The following MFF variants were observed in gnomAD, a reference collection of about 807,000 sequenced individuals.
MFF encodes the protein mitochondrial fission factor.
MFF carries 12 observed loss-of-function variants against 36.9 expected under a neutral mutation model. That is an observed-to-expected ratio of 0.33 (90% CI 0.21 to 0.53). The LOEUF (loss-of-function observed/expected upper bound fraction) is 0.53. MFF is among the 20% of genes least tolerant of loss of function. The pLI, the probability that MFF is intolerant of heterozygous loss-of-function variation, is 0.95. For synonymous variants in MFF, 99 were observed against 126.2 expected (o/e 0.78, Z 1.44); for missense variants, 348 against 366.6 (o/e 0.95, Z 0.42).
intron 4 of MFF, among the ~76,000 whole-genome samples, chr2:227,332,874 G>A (rs73993959): frequency 1.3e-5 from 2 of 152,188 alleles, no homozygotes; most frequent in African/African-American, 4.8e-5. Context: ...TAAATAATAA[G>A]AAAATGTTGG....
At chr2:227,347,475 A>G (rs1574972948) in intron 6 of MFF, 91 bp downstream of exon 6, 5 of 1,042,862 alleles carry the variant, frequency 4.8e-6, no homozygotes, top group African/African-American at 3.2e-5. Context: ...TTCTGTTTTT[A>G]CCTTCTAGCC....
chr2:227,333,116 C>G (rs1413586165), intron 4 of MFF, among the ~76,000 whole-genome samples: 32 of 152,240 alleles, frequency 2.1e-4, no homozygotes. Flanking sequence ...CATTGACTTA[C>G]AGCTAACCTT....
intron 7 of MFF, chr2:227,355,183 G>A (rs2106470862): frequency 6.6e-6 from 1 of 152,556 alleles, no homozygotes; most frequent in East Asian, 1.9e-4. Context: ...AAGACAAGAA[G>A]TAAAGAATAA....
intron 1 of MFF, among the ~76,000 whole-genome samples, chr2:227,328,295 C>CAAAAAAAAAA (rs869086091): frequency 1.4e-5 from 1 of 72,646 alleles, no homozygotes; most frequent in Admixed American, 1.5e-4. Context: ...GCCCGGGTGA[C>CAAAAAAAAAA]AAAAAAAAAA....
Position 227,330,778 on chromosome 2 carries a change from A to G in MFF, c.113A>G (p.Gln38Arg), listed in dbSNP as rs755463159. 2.5e-6 allele frequency: 4 copies of G among 1,614,080 alleles called. No individual in the cohort carries two copies. The highest frequency in any genetic ancestry group is 1.6e-4 in the Middle Eastern group (1 of 6,084). Residue 38 changes from glutamine to arginine, a missense_variant, in exon 3 of 9, where the codon CAA becomes CGA. Coordinates refer to ENST00000304593, the MANE Select transcript of MFF (RefSeq NM_001277062.2). The part of the protein sequence containing the change: ...KVAPPNADLE[Q>R]GFQEGVPNAS... ...GCACCGCCAAACGCTGACCTGGAAC[A>G]AGGATTCCAAGAAGGAGTTCCAAAT...
intron 7 of MFF, 83 bp downstream of exon 7, chr2:227,352,656 T>C (rs1305718047): frequency 1.8e-6 from 2 of 1,095,632 alleles, no homozygotes; most frequent in African/African-American, 3.4e-5. Flanking sequence ...GTCGTAGCCA[T>C]GCCTGTGTTT....
intron 5 of MFF, chr2:227,346,389 G>A (rs1231994856): frequency 1.2e-5 from 2 of 165,956 alleles, no homozygotes; most frequent in Non-Finnish European, 2.9e-5. Context: ...TACTGACACA[G>A]ATCTTAAGAG....
At chr2:227,351,840 T>C (rs1559985846) in intron 6 of MFF, 1 of 152,324 alleles carries the variant, frequency 6.6e-6, no homozygotes, top group Non-Finnish European at 1.5e-5. Context: ...ATGTCACTCC[T>C]GGCTGTCTCA....
At chr2:227,342,503 G>A (rs1445571621) in intron 5 of MFF, among the ~76,000 whole-genome samples, 2 of 152,006 alleles carry the variant, frequency 1.3e-5, no homozygotes, top group Admixed American at 6.5e-5. Flanking sequence ...ATTGTTGTGC[G>A]TCATAGTGCA....
At chr2:227,334,718 T>A (rs912827267) in intron 4 of MFF, among the ~76,000 whole-genome samples, 2 of 152,170 alleles carry the variant, frequency 1.3e-5, no homozygotes, top group Admixed American at 1.3e-4. Flanking sequence ...ACATTTGTGA[T>A]CTCTATCTAC....
intron 5 of MFF, among the ~76,000 whole-genome samples, chr2:227,342,995 G>GA (rs879838989): frequency 9.3e-4 from 133 of 143,744 alleles, no homozygotes; most frequent in African/African-American, 1.7e-3. Context: ...CTTTATTAAG[G>GA]AAAAAAAAAA....
intron 5 of MFF, among the ~76,000 whole-genome samples, chr2:227,341,801 T>C (rs6748746): frequency 0.72 from 110,069 of 151,952 alleles, 40,927 homozygotes; most frequent in South Asian, 0.84. Flanking sequence ...TTTTCCACTT[T>C]ATAAAGATGT....
At chr2:227,346,548 A>G (rs1027989066) in intron 5 of MFF, among the ~76,000 whole-genome samples, 1 of 152,216 alleles carries the variant, frequency 6.6e-6, no homozygotes, top group Non-Finnish European at 1.5e-5. Flanking sequence ...TCAGCCATTG[A>G]TAATTTAAGA....
chr2:227,334,837 T>A (rs1484599211), intron 4 of MFF, among the ~76,000 whole-genome samples: 1 of 152,028 alleles, frequency 6.6e-6, no homozygotes, highest in Non-Finnish European at 1.5e-5. Flanking sequence ...AAGCAAAACA[T>A]CATCTAGCCA....
intron 4 of MFF, among the ~76,000 whole-genome samples, chr2:227,334,034 TG>T (rs1265081630): frequency 6.6e-6 from 1 of 152,180 alleles, no homozygotes; most frequent in Non-Finnish European, 1.5e-5. Context: ...TGTATAACAC[TG>T]GGGTAAAAAA....
At chr2:227,350,814 A>G (rs2075959026) in intron 6 of MFF, among the ~76,000 whole-genome samples, 1 of 152,168 alleles carries the variant, frequency 6.6e-6, no homozygotes, top group South Asian at 2.1e-4. Flanking sequence ...TACAAAACAT[A>G]CTGTTGAGAA....
At chr2:227,331,353 T>C (rs1457891734) in intron 3 of MFF, among the ~76,000 whole-genome samples, 1 of 152,244 alleles carries the variant, frequency 6.6e-6, no homozygotes, top group Non-Finnish European at 1.5e-5. Flanking sequence ...CATATATCAG[T>C]TGTTCATTCA....
At chr2:227,329,778 A>T (rs751778223) in intron 2 of MFF, 2 of 1,580,870 alleles carry the variant, frequency 1.3e-6, no homozygotes, top group Admixed American at 1.7e-5. Context: ...ACACATCACT[A>T]GGAAGGTCAG....
chr2:227,330,299 AT>A, intron 2 of MFF: 2 of 211,234 alleles, frequency 9.5e-6, no homozygotes, highest in Non-Finnish European at 1.9e-5. Flanking sequence ...TATTGCAGGC[AT>A]TTTTTTAGTT....
Sources: allele counts gnomAD v4.1 joint callset (sites outside exome capture counted in the v4.1 genomes callset), GRCh38; gene constraint gnomAD v4.1.1; transcripts MANE v1.5; gene names NCBI Gene and HGNC (gene_info 2026-07-23, HGNC 2026-07-21).